HS6ST3: variants seen among roughly 807,000 people sequenced by gnomAD.
The protein encoded by HS6ST3 is heparan-sulfate 6-O-sulfotransferase 3.
Under a neutral mutation model 36.7 loss-of-function variants are expected in HS6ST3, and 12 were observed. The observed-to-expected ratio is 0.33, with a 90% CI of 0.21 to 0.53. HS6ST3 has a LOEUF of 0.53. Among genes scored for constraint, HS6ST3 ranks in the 20% least tolerant of loss-of-function variants. HS6ST3 has a pLI of 0.95. For missense variants in HS6ST3, 584 were observed against 640.9 expected, an observed-to-expected ratio of 0.91 and a Z score of 0.96; for synonymous variants, 240 against 257.5, an observed-to-expected ratio of 0.93 and a Z score of 0.65.
At chr13:96,637,876 A>G (rs1184487751) in intron 1 of HS6ST3, among the ~76,000 whole-genome samples, 1 of 152,082 alleles carries the variant, frequency 6.6e-6, no homozygotes, top group Non-Finnish European at 1.5e-5. Context: ...GTGCCTGAGA[A>G]GGGTTCCTTG....
intron 1 of HS6ST3, among the ~76,000 whole-genome samples, chr13:96,636,482 A>G (rs751289248): frequency 1.3e-5 from 2 of 152,134 alleles, no homozygotes; most frequent in Non-Finnish European, 2.9e-5. Flanking sequence ...AGCTCTGACT[A>G]TAGAGAAAAG....
At chr13:96,771,793 C>T (rs558952811) in intron 1 of HS6ST3, among the ~76,000 whole-genome samples, 1 of 152,006 alleles carries the variant, frequency 6.6e-6, no homozygotes, top group Non-Finnish European at 1.5e-5. Context: ...ATACATTAGG[C>T]ATCAACCTGA....
At chr13:96,229,256 C>G (rs1010969250) in intron 1 of HS6ST3, among the ~76,000 whole-genome samples, 15 of 152,176 alleles carry the variant, frequency 9.9e-5, no homozygotes, top group Admixed American at 4.6e-4. Flanking sequence ...ATTTCTCATT[C>G]CTCCATGTAC....
At chr13:96,269,469 T>A (rs565912528) in intron 1 of HS6ST3, among the ~76,000 whole-genome samples, 1 of 152,092 alleles carries the variant, frequency 6.6e-6, no homozygotes, top group Admixed American at 6.5e-5. Context: ...ATCAATAGCT[T>A]GTTAACCTAG....
At chr13:96,161,921 A>C (rs1304115335) in intron 1 of HS6ST3, among the ~76,000 whole-genome samples, 1 of 152,246 alleles carries the variant, frequency 6.6e-6, no homozygotes, top group Non-Finnish European at 1.5e-5. Context: ...AATATGAAAA[A>C]TACTTTAAAA....
chr13:96,656,824 T>G (rs2056626554), intron 1 of HS6ST3, among the ~76,000 whole-genome samples: 1 of 152,136 alleles, frequency 6.6e-6, no homozygotes, highest in Non-Finnish European at 1.5e-5. Context: ...GCAAACTGAC[T>G]GGATTGACGG....
At chr13:96,604,894 A>G (rs1157644102) in intron 1 of HS6ST3, among the ~76,000 whole-genome samples, 1 of 152,142 alleles carries the variant, frequency 6.6e-6, no homozygotes, top group African/African-American at 2.4e-5. Context: ...GTTTAATGGC[A>G]TCTTTAATGT....
chr13:96,325,557 T>C (rs996359143), intron 1 of HS6ST3, among the ~76,000 whole-genome samples: 1 of 152,134 alleles, frequency 6.6e-6, no homozygotes, highest in African/African-American at 2.4e-5. Flanking sequence ...CCGGAGAAGA[T>C]TTAAAGTATA....
Position 96,832,828 on chromosome 13 carries a change from C to G in HS6ST3, c.1046C>G (p.Ala349Gly). 6.2e-7 allele frequency: 1 copy of G among 1,614,152 alleles called. No individual in the cohort carries two copies. Among genetic ancestry groups the G allele is most frequent in the Non-Finnish European group, 8.5e-7 (1 of 1,180,010 alleles). ...QSAKNNLKNM[A>G]FFGLTEFQRK... ...GCAAAGAACAACCTGAAGAACATGG[C>G]CTTCTTTGGGCTCACTGAGTTCCAG... The change falls in exon 2 of 2, where the codon GCC becomes GGC. Residue 349 changes from alanine (A) to glycine (G), a missense_variant. Transcript: ENST00000376705.
At chr13:96,160,589 C>G (rs931637109) in intron 1 of HS6ST3, among the ~76,000 whole-genome samples, 1 of 152,186 alleles carries the variant, frequency 6.6e-6, no homozygotes, top group Non-Finnish European at 1.5e-5. Context: ...TACCAAGTTT[C>G]TTTCTCGTGA....
chr13:96,187,419 T>C (rs957516656), intron 1 of HS6ST3, among the ~76,000 whole-genome samples: 3 of 152,178 alleles, frequency 2.0e-5, no homozygotes, highest in African/African-American at 7.2e-5. Flanking sequence ...ATTATTCTCA[T>C]TTTACAGATG....
intron 1 of HS6ST3, among the ~76,000 whole-genome samples, chr13:96,344,875 C>A (rs1274106717): frequency 6.6e-6 from 1 of 152,304 alleles, no homozygotes; most frequent in South Asian, 2.1e-4. Context: ...AATCTTATGA[C>A]ATGATCTTGT....
At chr13:96,417,855 A>G (rs1245677237) in intron 1 of HS6ST3, among the ~76,000 whole-genome samples, 5 of 151,942 alleles carry the variant, frequency 3.3e-5, no homozygotes, top group East Asian at 3.9e-4. Flanking sequence ...GAGGCAATAC[A>G]GGTTTAGATT....
chr13:96,666,671 G>A (rs2056665290), intron 1 of HS6ST3, among the ~76,000 whole-genome samples: 1 of 152,072 alleles, frequency 6.6e-6, no homozygotes, highest in Non-Finnish European at 1.5e-5. Context: ...AACCATAGAA[G>A]TATCATCATT....
intron 1 of HS6ST3, among the ~76,000 whole-genome samples, chr13:96,209,168 G>A (rs2139356360): frequency 6.6e-6 from 1 of 152,278 alleles, no homozygotes; most frequent in Admixed American, 6.5e-5. Context: ...ATGGAAAGAT[G>A]GATTGTCTAT....
At chr13:96,374,464 G>T (rs1200714493) in intron 1 of HS6ST3, among the ~76,000 whole-genome samples, 1 of 152,140 alleles carries the variant, frequency 6.6e-6, no homozygotes, top group Non-Finnish European at 1.5e-5. Flanking sequence ...CCTTCATGTA[G>T]CATTCCTCAA....
At chr13:96,260,421 C>T (rs1038188494) in intron 1 of HS6ST3, among the ~76,000 whole-genome samples, 2 of 151,824 alleles carry the variant, frequency 1.3e-5, no homozygotes, top group African/African-American at 2.4e-5. Flanking sequence ...AAGCCATTCT[C>T]CTGCCTCAGC....
chr13:96,510,933 C>G (rs965015192), intron 1 of HS6ST3, among the ~76,000 whole-genome samples: 15 of 152,042 alleles, frequency 9.9e-5, no homozygotes, highest in African/African-American at 3.4e-4. Flanking sequence ...ATGATATTTA[C>G]AGCTTTTATT....
chr13:96,792,146 C>G (rs1204178677), intron 1 of HS6ST3, among the ~76,000 whole-genome samples: 1 of 151,940 alleles, frequency 6.6e-6, no homozygotes, highest in East Asian at 1.9e-4. Context: ...TAAAAATCAT[C>G]TTTTCTGGAC....
Sources: gnomAD v4.1 joint callset for allele counts (sites outside exome capture counted in the v4.1 genomes callset) on GRCh38, gnomAD v4.1.1 for gene constraint, MANE v1.5 for transcripts, NCBI Gene and HGNC (gene_info 2026-07-23, HGNC 2026-07-21) for gene names.